The following USH2A variants were observed in gnomAD, a reference collection of about 807,000 sequenced individuals.
The protein encoded by USH2A is usherin.
A neutral mutation model predicts 538.9 loss-of-function variants in USH2A; 443 were observed. That is an observed-to-expected ratio of 0.82 (90% CI 0.76 to 0.89). USH2A has a LOEUF of 0.89. Ranked by LOEUF, USH2A falls within the 40% of genes least tolerant of loss-of-function variation. The pLI is 0.00. For synonymous variants in USH2A, 2,413 were observed against 2,273.5 expected, an observed-to-expected ratio of 1.06 and a Z score of -1.75; for missense variants, 6,633 against 6,324.8, an observed-to-expected ratio of 1.05 and a Z score of -1.65.
chr1:216,169,899 T>C (rs1217910719), intron 21 of USH2A, among the ~76,000 whole-genome samples: 2 of 152,168 alleles, frequency 1.3e-5, no homozygotes, highest in Non-Finnish European at 2.9e-5. Flanking sequence ...AGGTAAAATT[T>C]GTGATTTAAA....
At chr1:215,853,613 T>C (rs6540914) in intron 44 of USH2A, among the ~76,000 whole-genome samples, 22,802 of 152,216 alleles carry the variant, frequency 0.15, 2,015 homozygotes, top group African/African-American at 0.24. Flanking sequence ...CTGCTTCCCT[T>C]ATAAAACTGA....
chr1:215,684,869 G>A (rs1193115254), intron 61 of USH2A, among the ~76,000 whole-genome samples: 2 of 150,788 alleles, frequency 1.3e-5, no homozygotes, highest in East Asian at 3.9e-4. Context: ...CCAAGAACCA[G>A]AGAATAAGTC....
At chr1:216,281,865 GTTTTTTTTT>G (rs766030449) in intron 11 of USH2A, among the ~76,000 whole-genome samples, 1 of 96,474 alleles carries the variant, frequency 1.0e-5, no homozygotes, top group African/African-American at 4.0e-5. Flanking sequence ...GTTTTTGTCT[GTTTTTTTTT>G]TTTTTTTTTT....
At chr1:216,163,917 C>G (rs558898800) in intron 21 of USH2A, among the ~76,000 whole-genome samples, 1 of 152,056 alleles carries the variant, frequency 6.6e-6, no homozygotes, top group South Asian at 2.1e-4. Flanking sequence ...GTCCTAGAAG[C>G]CTTTGTTACT....
At chr1:215,968,805 G>A (rs687019) in intron 36 of USH2A, among the ~76,000 whole-genome samples, 60,248 of 151,908 alleles carry the variant, frequency 0.4, 12,144 homozygotes, top group Non-Finnish European at 0.44. Context: ...AAATGTCATA[G>A]CATCGGGCTC....
intron 58 of USH2A, among the ~76,000 whole-genome samples, chr1:215,754,190 A>G (rs566186451): frequency 1.3e-4 from 20 of 152,312 alleles, no homozygotes; most frequent in Admixed American, 2.6e-4. Context: ...GAAGGAGCTT[A>G]TCAGTGTTTG....
chr1:216,194,301 T>A (rs1314225155), intron 19 of USH2A: 1 of 152,054 alleles, frequency 6.6e-6, no homozygotes, highest in Non-Finnish European at 1.5e-5. Flanking sequence ...TGAACTGCGA[T>A]GAGTTACCAG....
chr1:216,200,269 T>A (rs1165298751), intron 16 of USH2A, 148 bp from the exon 17 acceptor site: 7 of 882,902 alleles, frequency 7.9e-6, no homozygotes, highest in Non-Finnish European at 1.0e-5. Flanking sequence ...ATTTTTAAAA[T>A]TGAAATAATG....
intron 14 of USH2A, among the ~76,000 whole-genome samples, chr1:216,224,846 A>T (rs966832650): frequency 1.3e-5 from 2 of 152,176 alleles, no homozygotes; most frequent in African/African-American, 4.8e-5. Context: ...TGATACTTGT[A>T]TCTTCCCCTT....
rs538817895 is a variant in USH2A at position 215,989,597 on chromosome 1, G to C, written c.6805+3423C>G. Reference sequence around the variant, plus strand: ...CATGGCATGAGGAGGCTCCTGAAGCGATCTGGGTGAGCAATATTAATGGCC... The same window carrying C: ...CATGGCATGAGGAGGCTCCTGAAGCCATCTGGGTGAGCAATATTAATGGCC... On this transcript the variant is annotated intron_variant, in intron 35 of 71. Coordinates refer to ENST00000307340, the MANE Select transcript of USH2A (RefSeq NM_206933.4). 1.2e-4 allele frequency among the ~76,000 whole-genome samples: 18 copies of C among 152,230 alleles called. No homozygotes were observed. In the South Asian group the frequency reaches 2.7e-3, roughly 23 times the overall value.
rs944025508 is a variant in USH2A at position 215,675,766 on chromosome 1, A to AT, written c.12295-151dup. 4.1e-5 allele frequency: 60 copies of AT among 1,466,088 alleles called. No homozygotes were observed. In the East Asian group the frequency reaches 8.0e-4, roughly 20 times the overall value. 90.8% of individuals were successfully genotyped at this position (1,466,088 alleles called of 1,614,324 possible). On this transcript the variant is annotated intron_variant, in intron 62 of 71. Transcript: ENST00000307340. Reference sequence around the variant, plus strand: ...TTCTGATATTAATTGGGGATATGTGATTTTTTTCAGTTAACATAAGGCCCA... The same window carrying AT: ...TTCTGATATTAATTGGGGATATGTGATTTTTTTTCAGTTAACATAAGGCCCA...
intron 53 of USH2A, 93 bp downstream of exon 53, chr1:215,782,645 T>C (rs901725858): frequency 4.6e-6 from 6 of 1,307,050 alleles, no homozygotes; most frequent in Admixed American, 3.7e-5. Context: ...AGTGGTTAGA[T>C]GCATAGGGCA....
chr1:215,869,950 A>G (rs1475132740), intron 43 of USH2A, among the ~76,000 whole-genome samples: 1 of 152,196 alleles, frequency 6.6e-6, no homozygotes, highest in Non-Finnish European at 1.5e-5. Flanking sequence ...ACACAATTGC[A>G]TGCCTGTTTT....
intron 35 of USH2A, 141 bp downstream of exon 35, chr1:215,992,879 A>G (rs1014191896): frequency 3.9e-5 from 54 of 1,387,092 alleles, no homozygotes; most frequent in Admixed American, 7.4e-5. Flanking sequence ...CTCCCCAACT[A>G]GAGACAATGA....
rs1658857822 is a variant in USH2A, at chr1:215,697,501, C to G, written c.12067-17125G>C. 2.0e-5 allele frequency among the ~76,000 whole-genome samples: 3 copies of G among 146,404 alleles called. No individual in the cohort carries two copies. The South Asian group carries it at 7.1e-4, about 35-fold the overall frequency. Reference sequence around the variant, plus strand: ...TTCTCTGCTTTCTGTAATCCTACTTCTGCTTTTAAAAAATTTTTTATTTAT... The same window carrying G: ...TTCTCTGCTTTCTGTAATCCTACTTGTGCTTTTAAAAAATTTTTTATTTAT... On this transcript the variant is annotated intron_variant, in intron 61 of 71. Coordinates refer to ENST00000307340, the MANE Select transcript of USH2A (RefSeq NM_206933.4).
intron 18 of USH2A, 38 bp downstream of exon 18, chr1:216,198,277 G>C: frequency 6.2e-7 from 1 of 1,612,902 alleles, no homozygotes; most frequent in Non-Finnish European, 8.5e-7. Context: ...TTTGCATTCA[G>C]AGGTTTTAAA....
chr1:215,647,353 C>T (rs918862556), intron 67 of USH2A, among the ~76,000 whole-genome samples, 169 bp downstream of exon 67: 1 of 152,080 alleles, frequency 6.6e-6, no homozygotes, highest in Non-Finnish European at 1.5e-5. Context: ...TTATTAAATC[C>T]AGTAGGCATT....
At chr1:216,073,043 A>C in intron 28 of USH2A, 54 bp downstream of exon 28, 1 of 1,613,072 alleles carries the variant, frequency 6.2e-7, no homozygotes. Flanking sequence ...CAGGGAGGGA[A>C]AGGGGGATGA....
intron 38 of USH2A, among the ~76,000 whole-genome samples, chr1:215,920,847 T>C (rs374262291): frequency 1.3e-5 from 2 of 152,042 alleles, no homozygotes; most frequent in South Asian, 4.1e-4. Context: ...ATGAGGAAAG[T>C]ATTCCTGCTT....
Sources: allele counts gnomAD v4.1 joint callset (sites outside exome capture counted in the v4.1 genomes callset), GRCh38; gene constraint gnomAD v4.1.1; transcripts MANE v1.5; gene names NCBI Gene and HGNC (gene_info 2026-07-23, HGNC 2026-07-21).